The following TMEFF2 variants were observed in gnomAD, a reference collection of about 807,000 sequenced individuals.
TMEFF2 encodes the protein transmembrane protein with EGF like and two follistatin like domains 2, also known as tomoregulin-2.
A neutral mutation model predicts 53.8 loss-of-function variants in TMEFF2; 28 were observed. The ratio of observed to expected loss-of-function variants is 0.52; its 90% CI spans 0.39 to 0.71. TMEFF2 has a LOEUF of 0.71. TMEFF2 is among the 30% of genes least tolerant of loss of function. TMEFF2 has a pLI of 0.00. For missense variants in TMEFF2, 353 were observed against 455.2 expected (o/e 0.78, Z 2.04); for synonymous variants, 162 against 166.3 (o/e 0.97, Z 0.20).
chr2:192,061,440 G>A (rs1408408974), intron 4 of TMEFF2, among the ~76,000 whole-genome samples: 1 of 152,102 alleles, frequency 6.6e-6, no homozygotes, highest in African/African-American at 2.4e-5. Flanking sequence ...CAGCATTTAT[G>A]TTGTATTAAG....
At chr2:191,970,391 C>T (rs1289575841) in intron 7 of TMEFF2, among the ~76,000 whole-genome samples, 1 of 151,820 alleles carries the variant, frequency 6.6e-6, no homozygotes, top group East Asian at 1.9e-4. Flanking sequence ...TGAGGTCATA[C>T]TGGATGAGGG....
chr2:192,041,264 C>T (rs930375837), intron 5 of TMEFF2, among the ~76,000 whole-genome samples: 1 of 152,078 alleles, frequency 6.6e-6, no homozygotes, highest in African/African-American at 2.4e-5. Context: ...TCTTACAGCT[C>T]AATAACAAAT....
At chr2:192,191,553 AC>A (rs1691461293) in intron 2 of TMEFF2, among the ~76,000 whole-genome samples, 1 of 152,136 alleles carries the variant, frequency 6.6e-6, no homozygotes, top group Non-Finnish European at 1.5e-5. Context: ...CACACTTCTT[AC>A]CCCCTATTTT....
In TMEFF2 at chr2:192,194,582, G is replaced by C; in HGVS notation, c.-58C>G. On this transcript the variant is annotated 5_prime_UTR_variant, in exon 1 of 10. Coordinates refer to ENST00000272771, the MANE Select transcript of TMEFF2 (RefSeq NM_016192.4). The surrounding 1 kb of genome is among the most constrained non-coding windows in gnomAD (Gnocchi z 4.2). ...GCTTCCGAGGAACACAGGATCGCGG[G>C]GGCCGGGCAGCGGGCTACTGAGCAT... The C allele has an allele frequency of 6.3e-7, 1 of 1,576,380 alleles. No individual in the cohort carries two copies. The highest frequency in any genetic ancestry group is 1.3e-5 in the African/African-American group (1 of 74,418).
intron 7 of TMEFF2, among the ~76,000 whole-genome samples, chr2:191,985,978 T>C (rs980452072): frequency 6.6e-6 from 1 of 152,202 alleles, no homozygotes; most frequent in African/African-American, 2.4e-5. Flanking sequence ...TAAGTTGCCA[T>C]TTAAGAACCT....
chr2:192,077,532 A>G (rs1688460392), intron 4 of TMEFF2, among the ~76,000 whole-genome samples: 1 of 152,110 alleles, frequency 6.6e-6, no homozygotes. Context: ...ATGAGAAACA[A>G]TAATCATTAA....
chr2:192,123,743 G>A (rs865778826), intron 4 of TMEFF2, among the ~76,000 whole-genome samples: 6 of 152,216 alleles, frequency 3.9e-5, no homozygotes, highest in African/African-American at 1.2e-4. Flanking sequence ...AGTCCTCTGA[G>A]TTATTACAAA....
chr2:192,157,188 C>A (rs955891874), intron 4 of TMEFF2, among the ~76,000 whole-genome samples: 1 of 151,964 alleles, frequency 6.6e-6, no homozygotes, highest in Non-Finnish European at 1.5e-5. Flanking sequence ...GGTGTTCAAA[C>A]CCAAATATGG....
chr2:191,960,478 A>G (rs978454820), intron 7 of TMEFF2, among the ~76,000 whole-genome samples: 3 of 152,284 alleles, frequency 2.0e-5, no homozygotes, highest in Admixed American at 6.5e-5. Context: ...GTCACATGTC[A>G]TCTTCATCCC....
intron 5 of TMEFF2, among the ~76,000 whole-genome samples, chr2:192,048,158 A>AT (rs5837275): frequency 6.1e-4 from 91 of 148,202 alleles, no homozygotes; most frequent in South Asian, 5.5e-3. Context: ...GCTCAAACGA[A>AT]TTTTTTTTTT....
At chr2:192,097,284 G>A (rs918274463) in intron 4 of TMEFF2, among the ~76,000 whole-genome samples, 1 of 152,224 alleles carries the variant, frequency 6.6e-6, no homozygotes, top group Non-Finnish European at 1.5e-5. Context: ...CACAACAGAA[G>A]TACATAGATT....
At chr2:192,017,461 T>C (rs1686767682) in intron 5 of TMEFF2, among the ~76,000 whole-genome samples, 2 of 152,140 alleles carry the variant, frequency 1.3e-5, no homozygotes, top group African/African-American at 2.4e-5. Context: ...ATCAATATAG[T>C]GGAGAAATGT....
At chr2:192,037,614 GAAAGAGAGAGAGGAGAGAAAGAGAGAGAA>G (rs1348710268) in intron 5 of TMEFF2, among the ~76,000 whole-genome samples, 6,137 of 126,396 alleles carry the variant, frequency 0.049, 294 homozygotes, top group East Asian at 0.29. Context: ...GTGTGAGAGA[GAAAGAGAGAGAGGAGAGAAAGAGAGAGAA>G]AGAGAGAGAG....
intron 4 of TMEFF2, among the ~76,000 whole-genome samples, chr2:192,092,496 T>G (rs1688812948): frequency 1.3e-5 from 2 of 152,122 alleles, no homozygotes; most frequent in Admixed American, 6.6e-5. Flanking sequence ...CAATATATAT[T>G]TTTTCATTGA....
At chr2:191,961,917 G>A (rs566496221) in intron 7 of TMEFF2, among the ~76,000 whole-genome samples, 160 of 152,252 alleles carry the variant, frequency 1.1e-3, no homozygotes, top group African/African-American at 3.8e-3. Flanking sequence ...ACGAGTAGAT[G>A]AGAAGAGTCT....
At position 192,072,407 on chromosome 2, in the gene TMEFF2, T is replaced by C. The variant is rs191556002; in HGVS notation, c.440-14632A>G. On this transcript the variant is annotated intron_variant, in intron 4 of 9. Coordinates refer to ENST00000272771, the MANE Select transcript of TMEFF2 (RefSeq NM_016192.4). ...TTTGATACAAAGATCAGATTGTGGCTGATTCAGGGTATCCCCAAAAGGGGA... is the reference window on the plus strand; with the variant it reads ...TTTGATACAAAGATCAGATTGTGGCCGATTCAGGGTATCCCCAAAAGGGGA... Among the ~76,000 whole-genome samples, 4 of 152,080 alleles carry C rather than the reference T, an allele frequency of 2.6e-5. No homozygotes were observed. In the East Asian group the frequency reaches 7.8e-4, roughly 29 times the overall value.
rs543902403 is a variant in TMEFF2 at position 192,150,412 on chromosome 2, G to A, written c.439+29256C>T. Among the ~76,000 whole-genome samples the A allele has an allele frequency of 7.2e-5, 11 of 151,912 alleles. No homozygotes were observed. The South Asian group carries it at 1.2e-3, about 17-fold the overall frequency. On this transcript the variant is annotated intron_variant, in intron 4 of 9. Transcript: ENST00000272771. ...CTACAATCTTGGAGAAACATTCACC[G>A]CTCAGCCCAACACTGTCCAGTTGAA...
intron 4 of TMEFF2, among the ~76,000 whole-genome samples, chr2:192,119,981 T>C (rs183736097): frequency 1.3e-5 from 2 of 152,302 alleles, no homozygotes; most frequent in South Asian, 2.1e-4. Context: ...ACACAGGAAA[T>C]TGCTTAAACT....
intron 7 of TMEFF2, among the ~76,000 whole-genome samples, chr2:191,965,970 T>C (rs1692458219): frequency 6.9e-6 from 1 of 145,128 alleles, no homozygotes; most frequent in Non-Finnish European, 1.5e-5. Context: ...TTTTAAAGGC[T>C]GGTAATATAT....
Sources: allele counts gnomAD v4.1 joint callset (sites outside exome capture counted in the v4.1 genomes callset), GRCh38; gene constraint gnomAD v4.1.1; non-coding constraint Gnocchi (gnomAD v3.1); transcripts MANE v1.5; gene names NCBI Gene and HGNC (gene_info 2026-07-23, HGNC 2026-07-21).